Variants in KMT2E observed in about 807,000 individuals in gnomAD.
KMT2E encodes the protein histone reader KMT2E.
Under a neutral mutation model 184.6 loss-of-function variants are expected in KMT2E, and 30 were observed. That is an observed-to-expected ratio of 0.16 (90% CI 0.12 to 0.22). KMT2E has a LOEUF of 0.22. Among genes scored for constraint, KMT2E ranks in the 10% least tolerant of loss-of-function variants. KMT2E has a pLI of 1.00. For missense variants in KMT2E, 2,023 were observed against 2,237.4 expected, an observed-to-expected ratio of 0.90 and a Z score of 1.93; for synonymous variants, 815 against 776.5, an observed-to-expected ratio of 1.05 and a Z score of -0.82.
At chr7:105,028,063 A>G (rs1287227508) in intron 1 of KMT2E, among the ~76,000 whole-genome samples, 2 of 138,630 alleles carry the variant, frequency 1.4e-5, no homozygotes, top group African/African-American at 2.5e-5. Context: ...CTAAGAGACA[A>G]CTAACATTAA....
At chr7:105,052,450 T>C (rs1476124998) in intron 3 of KMT2E, among the ~76,000 whole-genome samples, 1 of 152,228 alleles carries the variant, frequency 6.6e-6, no homozygotes, top group Non-Finnish European at 1.5e-5. Context: ...ATCTTGTCTG[T>C]TTTATCACTA....
At chr7:105,056,245 A>G (rs115057426) in intron 3 of KMT2E, among the ~76,000 whole-genome samples, 1,642 of 152,326 alleles carry the variant, frequency 0.011, 20 homozygotes, top group African/African-American at 0.031. Context: ...TTTTATACCA[A>G]ATGTTGCCAT....
Position 105,113,131 on chromosome 7 carries a change from GTCC to G in KMT2E, c.5378_5380del (p.Pro1793del), listed in dbSNP as rs755531955. On this transcript the variant is annotated inframe_deletion, in exon 27 of 27. Transcript: ENST00000311117. The stretch of plus-strand genomic sequence containing the variant: ...CCACATTGTCCATTACCTGTCACAG[GTCC>G]TCATCTCCAGCCCCAAGGACCAAAC... 6.2e-7 allele frequency: 1 copy of G among 1,614,154 alleles called. No homozygotes were observed. Among genetic ancestry groups the G allele is most frequent in the African/African-American group, 1.3e-5 (1 of 75,028 alleles).
intron 3 of KMT2E, among the ~76,000 whole-genome samples, chr7:105,042,111 C>T (rs1438910631): frequency 6.6e-6 from 1 of 152,148 alleles, no homozygotes; most frequent in Non-Finnish European, 1.5e-5. Flanking sequence ...ATGTCTTAGC[C>T]TCCTGAGTAG....
rs1031592381 is a variant in KMT2E, at chr7:105,110,143, A to G, written c.3756-137A>G. ...CCACTGTGCCCTGCCAAGATTAACT[A>G]TTTTCAAAGGTTAACACCAAAGTAT... On this transcript the variant is annotated intron_variant, in intron 23 of 26. Coordinates refer to ENST00000311117, the MANE Select transcript of KMT2E (RefSeq NM_182931.3). The G allele has an allele frequency of 1.8e-4, 130 of 718,066 alleles. 1 individual carries two copies. Among genetic ancestry groups the G allele is most frequent in the Middle Eastern group, 6.0e-4 (2 of 3,334 alleles). The allele number at this position is 718,066 out of a possible 1,614,324, so 44.5% of individuals were successfully genotyped here. A position where few individuals can be genotyped will look rare whatever the true frequency, so the allele number is the denominator to read the frequency against.
At chr7:105,037,389 G>A (rs760517896) in intron 1 of KMT2E, among the ~76,000 whole-genome samples, 4 of 151,684 alleles carry the variant, frequency 2.6e-5, no homozygotes, top group Non-Finnish European at 5.9e-5. Context: ...TTAAGACAGG[G>A]TCTCCCTCTG....
At position 105,112,227 on chromosome 7, in the gene KMT2E, C is replaced by G. The variant is rs1329619490; in HGVS notation, c.4471C>G (p.Pro1491Ala). The G allele has an allele frequency of 6.2e-7, 1 of 1,614,058 alleles. No homozygotes were observed. The highest frequency in any genetic ancestry group is 1.7e-5 in the Admixed American group (1 of 60,008). ...HHSQSPQVGT[P>A]QREPQRNFYP... is the part of the protein sequence containing the mutation. ...TTCACAGTCACCTCAAGTTGGAACA[C>G]CTCAGCGAGAGCCTCAAAGAAACTT... is the stretch of plus-strand genomic sequence containing the variant. Residue 1491 changes from proline (P) to alanine (A), a missense_variant, in exon 27 of 27, where the codon CCT becomes GCT. Physicochemically the swap from Pro to Ala is conservative, Grantham distance 27. This residue lies in a region of KMT2E where 1,108 missense variants were observed against 1,050.9 expected (regional missense o/e 1.05). Coordinates refer to ENST00000311117, the MANE Select transcript of KMT2E (RefSeq NM_182931.3).
chr7:105,040,968 C>A lies in KMT2E; in HGVS notation c.16C>A (p.Pro6Thr). The change falls in exon 3 of 27, where the codon CCA becomes ACA. Residue 6 changes from proline to threonine, a missense_variant. Physicochemically the swap from Pro to Thr is conservative, Grantham distance 38. This residue lies in a region of KMT2E where 63 missense variants were observed against 68.9 expected (regional missense o/e 0.91). Coordinates refer to ENST00000311117, the MANE Select transcript of KMT2E (RefSeq NM_182931.3). The stretch of plus-strand genomic sequence containing the variant: ...GGCGAACGTCATGAGCATAGTGATC[C>A]CATTGGGGGTTGATACAGCAGAGAC... MSIVI[P>T]LGVDTAETSY... is the part of the protein sequence containing the mutation. The A allele has an allele frequency of 6.2e-7, 1 of 1,611,320 alleles. No homozygotes were observed. The highest frequency in any genetic ancestry group is 8.5e-7 in the Non-Finnish European group (1 of 1,179,118).
At position 105,110,513 on chromosome 7, in the gene KMT2E, A is replaced by C; in HGVS notation, c.3881A>C (p.His1294Pro). The C allele has an allele frequency of 6.2e-7, 1 of 1,614,180 alleles. No homozygotes were observed. Among genetic ancestry groups the C allele is most frequent in the Non-Finnish European group, 8.5e-7 (1 of 1,180,020 alleles). The change falls in exon 25 of 27, where the codon CAT becomes CCT. Residue 1294 changes from histidine (H) to proline (P), a missense_variant. His to Pro is a moderately conservative substitution (Grantham distance 77). This residue lies in a region of KMT2E where 1,108 missense variants were observed against 1,050.9 expected (regional missense o/e 1.05). Transcript: ENST00000311117. ...ESPCVSCSPS[H>P]VQSSPSSHSN... Reference sequence around the variant, plus strand: ...CCATGTGTCTCATGTTCACCGAGTCATGTTCAGTCTTCACCTTCATCTCAT... The same window carrying C: ...CCATGTGTCTCATGTTCACCGAGTCCTGTTCAGTCTTCACCTTCATCTCAT...
At chr7:105,036,350 G>A (rs1443671379) in intron 1 of KMT2E, among the ~76,000 whole-genome samples, 5 of 151,752 alleles carry the variant, frequency 3.3e-5, no homozygotes, top group Admixed American at 3.3e-4. Flanking sequence ...TGTATTTTTA[G>A]TAGGGACACG....
intron 3 of KMT2E, among the ~76,000 whole-genome samples, chr7:105,059,507 A>C (rs1420464236): frequency 6.6e-6 from 1 of 152,194 alleles, no homozygotes; most frequent in Admixed American, 6.5e-5. Context: ...ATGTTATAGA[A>C]ATACTACCAT....
chr7:105,061,822 T>A, intron 3 of KMT2E: 1 of 179,936 alleles, frequency 5.6e-6, no homozygotes, highest in Non-Finnish European at 1.2e-5. Flanking sequence ...GTTTTAGTCT[T>A]GCTTAAATTA....
At chr7:105,066,026 C>T (rs902975999) in intron 5 of KMT2E, among the ~76,000 whole-genome samples, 8 of 152,078 alleles carry the variant, frequency 5.3e-5, no homozygotes, top group African/African-American at 1.9e-4. Flanking sequence ...TTATTTTTCT[C>T]TGGCGTTAAT....
At chr7:105,026,854 G>A (rs1795195197) in intron 1 of KMT2E, among the ~76,000 whole-genome samples, 1 of 152,096 alleles carries the variant, frequency 6.6e-6, no homozygotes, top group Non-Finnish European at 1.5e-5. Context: ...TGTCGACATA[G>A]CTTAAAATTT....
At chr7:105,081,338 C>T (rs545506804) in intron 12 of KMT2E, among the ~76,000 whole-genome samples, 1 of 151,526 alleles carries the variant, frequency 6.6e-6, no homozygotes, top group Non-Finnish European at 1.5e-5. Context: ...GAGCCGAGAT[C>T]GCACCACTGC....
intron 3 of KMT2E, among the ~76,000 whole-genome samples, chr7:105,050,866 A>G (rs182619707): frequency 6.6e-6 from 1 of 151,870 alleles, no homozygotes; most frequent in Non-Finnish European, 1.5e-5. Flanking sequence ...AGTAGCTGAG[A>G]TTACAGGTGG....
chr7:105,090,339 C>T, intron 14 of KMT2E, 66 bp downstream of exon 14: 2 of 1,496,700 alleles, frequency 1.3e-6, no homozygotes, highest in East Asian at 2.3e-5. Context: ...ATTTTATCCT[C>T]TTCTTTGTTC....
intron 9 of KMT2E, 36 bp downstream of exon 9, chr7:105,076,117 G>A (rs759842187): frequency 1.4e-6 from 2 of 1,435,966 alleles, no homozygotes; most frequent in South Asian, 1.2e-5. Context: ...GTTATCAACT[G>A]TCATTTATTC....
chr7:105,041,026 A>G lies in KMT2E; in HGVS notation c.71+3A>G, dbSNP rs1184382365. 1 of 1,561,358 alleles carries G rather than the reference A, an allele frequency of 6.4e-7. No homozygotes were observed. The highest frequency in any genetic ancestry group is 8.8e-7 in the Non-Finnish European group (1 of 1,139,526). On this transcript the variant is annotated splice_donor_region_variant and intron_variant, in intron 3 of 26. Coordinates refer to ENST00000311117, the MANE Select transcript of KMT2E (RefSeq NM_182931.3). ...TTGGAAATGGCTGCAGGTTCAGAGT[A>G]AGTATTTAAATTGGTTACATAAGCA... is the stretch of plus-strand genomic sequence containing the variant.
Sources: gnomAD v4.1 joint callset for allele counts (sites outside exome capture counted in the v4.1 genomes callset) on GRCh38, gnomAD v4.1.1 for gene constraint, gnomAD v4.1.1 regional missense constraint, MANE v1.5 for transcripts, NCBI Gene and HGNC (gene_info 2026-07-23, HGNC 2026-07-21) for gene names.